SDK2: variants seen among roughly 807,000 people sequenced by gnomAD.
SDK2 encodes sidekick cell adhesion molecule 2, also known as protein sidekick-2.
SDK2 carries 105 observed loss-of-function variants against 253.9 expected under a neutral mutation model. The ratio of observed to expected loss-of-function variants is 0.41; its 90% CI spans 0.35 to 0.49. The LOEUF is 0.49. SDK2 is among the 20% of genes least tolerant of loss of function. SDK2 has a pLI of 0.06. For synonymous variants in SDK2, 1,249 were observed against 1,234.9 expected, an observed-to-expected ratio of 1.01 and a Z score of -0.24; for missense variants, 2,608 against 3,003.0, an observed-to-expected ratio of 0.87 and a Z score of 3.07.
In SDK2 at chr17:73,380,911, G is replaced by C. The variant is rs769720071; in HGVS notation, c.4745C>G (p.Thr1582Arg). The C allele has an allele frequency of 5.1e-6, 8 of 1,554,612 alleles. No individual in the cohort carries two copies. In the Middle Eastern group the frequency reaches 5.1e-4, roughly 98 times the overall value. The change falls in exon 34 of 45, where the codon ACG becomes AGG. Residue 1582 changes from threonine to arginine, a missense_variant. Physicochemically the swap from Thr to Arg is moderately conservative, Grantham distance 71. This residue lies in a region of SDK2 where 1,103 missense variants were observed against 1,143.9 expected (regional missense o/e 0.96). Coordinates refer to ENST00000392650, the MANE Select transcript of SDK2 (RefSeq NM_001144952.2). ...SMRNLSRPSL[T>R]QYELDNLNKH... ...AGACTTACTGTCCAGCTCGTACTGC[G>C]TGAGGCTGGGCCGGCTCAGGTTCCG...
intron 40 of SDK2, 170 bp downstream of exon 40, chr17:73,357,909 G>A: frequency 1.9e-6 from 2 of 1,028,984 alleles, no homozygotes; most frequent in Non-Finnish European, 3.0e-6. Context: ...TCCAGCTCTA[G>A]GAGCCCCCCA....
Position 73,541,695 on chromosome 17 carries a change from G to C in SDK2, c.65-34098C>G, listed in dbSNP as rs940063941. ...TTTGATATGAAAATGAGTTTGCCCA[G>C]AATGCACAGCGGCAGAAGGAAGGGG... On this transcript the variant is annotated intron_variant, in intron 1 of 44. Transcript: ENST00000392650. The surrounding 1 kb of genome is among the most constrained non-coding windows in gnomAD (Gnocchi z 4.3). 1.3e-5 allele frequency among the ~76,000 whole-genome samples: 2 copies of C among 152,196 alleles called. No homozygotes were observed. The highest frequency in any genetic ancestry group is 4.8e-5 in the African/African-American group (2 of 41,440).
intron 3 of SDK2, among the ~76,000 whole-genome samples, chr17:73,463,507 C>G (rs1226630036): frequency 6.6e-6 from 1 of 152,150 alleles, no homozygotes; most frequent in Non-Finnish European, 1.5e-5. Context: ...ACTAACAATA[C>G]CTTTCCCCTA....
intron 2 of SDK2, chr17:73,504,423 C>G (rs1359732420): frequency 6.6e-6 from 1 of 151,324 alleles, no homozygotes; most frequent in Non-Finnish European, 1.5e-5. Flanking sequence ...GTCAGCAGAT[C>G]GAGACCATCC....
intron 4 of SDK2, among the ~76,000 whole-genome samples, chr17:73,451,226 G>A (rs1280882579): frequency 6.6e-6 from 1 of 152,236 alleles, no homozygotes; most frequent in African/African-American, 2.4e-5. Flanking sequence ...TTTAAATGGG[G>A]CTGGGCACGG....
chr17:73,405,648 A>T (rs1002717285), intron 18 of SDK2, among the ~76,000 whole-genome samples: 1 of 151,048 alleles, frequency 6.6e-6, no homozygotes. Context: ...AGATACCAAA[A>T]GCCACAGCTG....
At chr17:73,574,401 A>G (rs1022497589) in intron 1 of SDK2, among the ~76,000 whole-genome samples, 11 of 135,722 alleles carry the variant, frequency 8.1e-5, no homozygotes, top group Non-Finnish European at 1.8e-4. Flanking sequence ...CCCTGATCAC[A>G]GCTGACATCA....
Position 73,380,884 on chromosome 17 carries a change from G to A in SDK2, c.4762+10C>T. ...GGCCCGCGATGAAGCCACCATGCAA[G>A]GAGACTTACTGTCCAGCTCGTACTG... On this transcript the variant is annotated intron_variant, in intron 34 of 44. Transcript: ENST00000392650. The A allele has an allele frequency of 6.4e-7, 1 of 1,563,628 alleles. No homozygotes were observed. The highest frequency in any genetic ancestry group is 1.2e-5 in the South Asian group (1 of 84,648).
Position 73,348,626 on chromosome 17 carries a change from C to T in SDK2, c.6138G>A (p.Glu2046=), listed in dbSNP as rs1429974157. 1 of 1,613,112 alleles carries T rather than the reference C, an allele frequency of 6.2e-7. No individual in the cohort carries two copies. The highest frequency in any genetic ancestry group is 1.1e-5 in the South Asian group (1 of 91,032). Residue 2046 remains glutamate, a synonymous_variant, in exon 44 of 45, where the codon GAG becomes GAA. Coordinates refer to ENST00000392650, the MANE Select transcript of SDK2 (RefSeq NM_001144952.2). ...GAGAGTCGGAGATTTCTGAGGGCTT[C>T]TCCGTCAGGCTGCTGCTCTCTGCAG... ...LIPAESSSLT[E]KPSEISDSQG...
intron 1 of SDK2, among the ~76,000 whole-genome samples, chr17:73,540,683 C>T (rs1361111758): frequency 6.6e-6 from 1 of 152,206 alleles, no homozygotes; most frequent in African/African-American, 2.4e-5. Flanking sequence ...GGGCCTCTTC[C>T]CATTTGATAA....
In SDK2 at chr17:73,435,134, G is replaced by A. The variant is rs2063356975; in HGVS notation, c.1195+316C>T. Among the ~76,000 whole-genome samples the A allele has an allele frequency of 2.0e-5, 3 of 152,190 alleles. No individual in the cohort carries two copies. The highest frequency in any genetic ancestry group is 2.1e-4 in the South Asian group (1 of 4,824). On this transcript the variant is annotated intron_variant, in intron 9 of 44. Coordinates refer to ENST00000392650, the MANE Select transcript of SDK2 (RefSeq NM_001144952.2). The surrounding 1 kb of genome is among the most constrained non-coding windows in gnomAD (Gnocchi z 5.7). ...CCTGCCTGGGAACCCAGGGATAGTC[G>A]CAGTGCCAGAGCTGGTACCCGTGGT...
intron 1 of SDK2, among the ~76,000 whole-genome samples, chr17:73,585,883 C>G (rs960211621): frequency 2.0e-5 from 3 of 152,162 alleles, no homozygotes; most frequent in Admixed American, 6.5e-5. Context: ...AACATAAAGA[C>G]TGGAAAGACA....
intron 1 of SDK2, among the ~76,000 whole-genome samples, chr17:73,509,604 A>G (rs529057655): frequency 4.7e-5 from 7 of 149,482 alleles, no homozygotes; most frequent in African/African-American, 1.7e-4. Flanking sequence ...AGATTGGGCG[A>G]CATGGTGAGA....
At chr17:73,360,177 C>T (rs960177672) in intron 39 of SDK2, among the ~76,000 whole-genome samples, 2 of 152,154 alleles carry the variant, frequency 1.3e-5, no homozygotes, top group African/African-American at 2.4e-5. Context: ...AGAGGCAGCG[C>T]GGGGCGGGGC....
At chr17:73,362,828 G>A (rs2062652765) in intron 38 of SDK2, among the ~76,000 whole-genome samples, 1 of 152,234 alleles carries the variant, frequency 6.6e-6, no homozygotes, top group Non-Finnish European at 1.5e-5. Context: ...CTGACTGCCA[G>A]CCTCCCTGGG....
chr17:73,414,817 C>G, intron 17 of SDK2, 58 bp from the exon 18 acceptor site: 2 of 1,129,572 alleles, frequency 1.8e-6, no homozygotes, highest in Non-Finnish European at 2.7e-6. Context: ...CTCTCTTGCC[C>G]AGTTCAGTAG....
At chr17:73,540,473 TCTCTCATCACCGCTGTGA>T (rs2044851004) in intron 1 of SDK2, among the ~76,000 whole-genome samples, 1 of 152,192 alleles carries the variant, frequency 6.6e-6, no homozygotes, top group Admixed American at 6.5e-5. Flanking sequence ...TTCAGCAGGG[TCTCTCATCACCGCTGTGA>T]TTCTCCTAAC....
At chr17:73,433,645 C>T in intron 10 of SDK2, 87 bp downstream of exon 10, 1 of 1,026,914 alleles carries the variant, frequency 9.7e-7, no homozygotes, top group Non-Finnish European at 1.5e-6. Flanking sequence ...ACGTGGGGAA[C>T]CCAACCTGGC....
At chr17:73,477,985 A>C (rs942442374) in intron 2 of SDK2, among the ~76,000 whole-genome samples, 6 of 152,130 alleles carry the variant, frequency 3.9e-5, no homozygotes, top group African/African-American at 1.2e-4. Flanking sequence ...TTATTTATTT[A>C]TTATAGGAAA....
Sources: gnomAD v4.1 joint callset for allele counts (sites outside exome capture counted in the v4.1 genomes callset) on GRCh38, gnomAD v4.1.1 for gene constraint, gnomAD v4.1.1 regional missense constraint, Gnocchi (gnomAD v3.1) non-coding constraint, MANE v1.5 for transcripts, NCBI Gene and HGNC (gene_info 2026-07-23, HGNC 2026-07-21) for gene names.